Variants in SHROOM3 observed in about 807,000 individuals in gnomAD.
SHROOM3 encodes the protein protein Shroom3.
Under a neutral mutation model 138.6 loss-of-function variants are expected in SHROOM3, and 47 were observed. That is an observed-to-expected ratio of 0.34 (90% CI 0.27 to 0.43). SHROOM3 has a LOEUF of 0.43. SHROOM3 is among the 20% of genes least tolerant of loss of function. SHROOM3 has a pLI of 1.00. For missense variants in SHROOM3, 2,491 were observed against 2,596.5 expected, an observed-to-expected ratio of 0.96 and a Z score of 0.88; for synonymous variants, 1,062 against 1,063.3, an observed-to-expected ratio of 1.00 and a Z score of 0.02.
chr4:76,626,294 C>G (rs1017535243), intron 2 of SHROOM3, among the ~76,000 whole-genome samples: 1 of 152,070 alleles, frequency 6.6e-6, no homozygotes, highest in African/African-American at 2.4e-5. Flanking sequence ...AAATTTGCCT[C>G]CAGTCTGCTA....
chr4:76,690,097 G>T (rs749055955), intron 2 of SHROOM3, among the ~76,000 whole-genome samples: 2 of 152,116 alleles, frequency 1.3e-5, no homozygotes, highest in African/African-American at 4.8e-5. Flanking sequence ...TGTAGGAAAG[G>T]CTCCTGAAGT....
At chr4:76,667,945 C>T (rs575307056) in intron 2 of SHROOM3, among the ~76,000 whole-genome samples, 8 of 119,478 alleles carry the variant, frequency 6.7e-5, no homozygotes, top group African/African-American at 2.3e-4. Flanking sequence ...CCAGCCTGGG[C>T]GACAGAAGGA....
chr4:76,520,839 A>AT (rs1262632521), intron 1 of SHROOM3, among the ~76,000 whole-genome samples: 18 of 152,270 alleles, frequency 1.2e-4, no homozygotes, highest in African/African-American at 4.3e-4. Context: ...TACCTATGCT[A>AT]TTTTCAGTGT....
intron 2 of SHROOM3, among the ~76,000 whole-genome samples, chr4:76,661,022 C>A (rs1473920860): frequency 1.3e-5 from 2 of 151,920 alleles, no homozygotes; most frequent in Non-Finnish European, 2.9e-5. Flanking sequence ...GTCTTGAACT[C>A]CTGGCCTCAA....
At chr4:76,576,531 G>C (rs1193688917) in intron 2 of SHROOM3, among the ~76,000 whole-genome samples, 2 of 152,100 alleles carry the variant, frequency 1.3e-5, no homozygotes, top group Non-Finnish European at 2.9e-5. Context: ...TGGGGAGGTA[G>C]GGATGGTTAA....
rs1298953666 is a variant in SHROOM3, at chr4:76,755,187, C to T, written c.4704C>T (p.Arg1568=). ...ACAGTGAGGATCCCGAGGGGCCACG[C>T]CCCAGGTGAGTGAGCAGACTGGGCA... ...QLDSEDPEGP[R]PSFNKLSKVT... The change falls in exon 7 of 11, where the codon CGC becomes CGT. Residue 1568 remains arginine (R), a synonymous_variant. Coordinates refer to ENST00000296043, the MANE Select transcript of SHROOM3 (RefSeq NM_020859.4). The T allele has an allele frequency of 6.2e-7, 1 of 1,613,618 alleles. No individual in the cohort carries two copies. The highest frequency in any genetic ancestry group is 1.1e-5 in the South Asian group (1 of 90,980).
chr4:76,666,575 C>A (rs1420396671), intron 2 of SHROOM3, among the ~76,000 whole-genome samples: 5 of 152,086 alleles, frequency 3.3e-5, no homozygotes, highest in Non-Finnish European at 7.3e-5. Flanking sequence ...TCATGCCCGG[C>A]CTGTTATGTA....
chr4:76,689,055 C>A, intron 2 of SHROOM3: 2 of 599,556 alleles, frequency 3.3e-6, no homozygotes, highest in Non-Finnish European at 4.2e-6. Flanking sequence ...GAAAAGCGAG[C>A]GCGGGCTTCT....
At chr4:76,499,166 G>A (rs957740370) in intron 1 of SHROOM3, among the ~76,000 whole-genome samples, 1 of 152,202 alleles carries the variant, frequency 6.6e-6, no homozygotes, top group African/African-American at 2.4e-5. Flanking sequence ...CTAATTATGG[G>A]AAGCAACGTG....
At chr4:76,470,997 T>C (rs1053068011) in intron 1 of SHROOM3, among the ~76,000 whole-genome samples, 3 of 152,056 alleles carry the variant, frequency 2.0e-5, no homozygotes, top group African/African-American at 7.3e-5. Flanking sequence ...TTAGGGGGTG[T>C]GTGTGTGTGA....
At chr4:76,688,560 G>A (rs1188816545) in intron 2 of SHROOM3, 4 of 985,214 alleles carry the variant, frequency 4.1e-6, no homozygotes, top group African/African-American at 3.5e-5. Flanking sequence ...GAGGTGACAC[G>A]TGAGAGCAAT....
At chr4:76,720,216 G>T (rs1156639787) in intron 3 of SHROOM3, among the ~76,000 whole-genome samples, 8 of 136,158 alleles carry the variant, frequency 5.9e-5, no homozygotes, top group Non-Finnish European at 1.5e-5. Flanking sequence ...GTCTTGAGGA[G>T]CCTGGAAGTA....
intron 1 of SHROOM3, among the ~76,000 whole-genome samples, chr4:76,436,806 C>T (rs916994804): frequency 2.6e-5 from 4 of 152,178 alleles, no homozygotes; most frequent in Non-Finnish European, 5.9e-5. Flanking sequence ...CAGCATACCT[C>T]AATTCTTCAT....
chr4:76,670,725 G>A (rs1171665718), intron 2 of SHROOM3, among the ~76,000 whole-genome samples: 1 of 152,136 alleles, frequency 6.6e-6, no homozygotes, highest in African/African-American at 2.4e-5. Flanking sequence ...AGGCCAAGGC[G>A]GGTGGATCAC....
chr4:76,543,227 C>A lies in SHROOM3; in HGVS notation c.169-12382C>A, dbSNP rs113690726. On this transcript the variant is annotated intron_variant, in intron 1 of 10. Coordinates refer to ENST00000296043, the MANE Select transcript of SHROOM3 (RefSeq NM_020859.4). Reference sequence around the variant, plus strand: ...GGAAAAGCATAGAAGAGGCATGCTACCAGTTTCAGGGGCTTCAGGAGGGCT... The same window carrying A: ...GGAAAAGCATAGAAGAGGCATGCTAACAGTTTCAGGGGCTTCAGGAGGGCT... Among the ~76,000 whole-genome samples, 1,458 of 152,168 alleles carry A rather than the reference C, an allele frequency of 9.6e-3. 19 individuals are homozygous for A. Among genetic ancestry groups the A allele is most frequent in the African/African-American group, 0.033 (1,382 of 41,522 alleles).
chr4:76,611,841 C>A (rs1040403914), intron 2 of SHROOM3, among the ~76,000 whole-genome samples: 1 of 152,154 alleles, frequency 6.6e-6, no homozygotes, highest in Non-Finnish European at 1.5e-5. Flanking sequence ...GAGTTTCTGG[C>A]GAATCATACC....
chr4:76,629,337 G>A (rs1450198212), intron 2 of SHROOM3, among the ~76,000 whole-genome samples: 1 of 152,188 alleles, frequency 6.6e-6, no homozygotes, highest in East Asian at 1.9e-4. Context: ...AGTGAGTGAG[G>A]GAGGATAGTA....
chr4:76,564,118 T>G (rs1733651663), intron 2 of SHROOM3, among the ~76,000 whole-genome samples: 1 of 152,230 alleles, frequency 6.6e-6, no homozygotes. Flanking sequence ...CTGCTCTCCC[T>G]TCATTACTTC....
At chr4:76,463,334 C>G (rs571329874) in intron 1 of SHROOM3, among the ~76,000 whole-genome samples, 8 of 152,310 alleles carry the variant, frequency 5.3e-5, no homozygotes, top group African/African-American at 1.4e-4. Context: ...GAAGAAATTT[C>G]TAAGCAGCAA....
Sources: gnomAD v4.1 joint callset for allele counts (sites outside exome capture counted in the v4.1 genomes callset) on GRCh38, gnomAD v4.1.1 for gene constraint, MANE v1.5 for transcripts, NCBI Gene and HGNC (gene_info 2026-07-23, HGNC 2026-07-21) for gene names.